The following RPS6KA5 variants were observed in gnomAD, a reference collection of about 807,000 sequenced individuals.
The protein encoded by RPS6KA5 is ribosomal protein S6 kinase A5.
A neutral mutation model predicts 85.5 loss-of-function variants in RPS6KA5; 27 were observed. The observed-to-expected ratio is 0.32, with a 90% CI of 0.23 to 0.44. The LOEUF is 0.44. RPS6KA5 is among the 20% of genes least tolerant of loss of function. RPS6KA5 has a pLI of 1.00. For synonymous variants in RPS6KA5, 334 were observed against 348.2 expected (o/e 0.96, Z 0.46); for missense variants, 811 against 980.9 (o/e 0.83, Z 2.31).
intron 3 of RPS6KA5, among the ~76,000 whole-genome samples, chr14:90,959,437 G>A (rs1187160878): frequency 6.6e-6 from 1 of 152,156 alleles, no homozygotes; most frequent in Non-Finnish European, 1.5e-5. Flanking sequence ...TAATAAATAA[G>A]GTAATAATGC....
chr14:90,894,690 C>T, intron 12 of RPS6KA5, 107 bp from the exon 13 acceptor site: 1 of 1,264,074 alleles, frequency 7.9e-7, no homozygotes, highest in Non-Finnish European at 1.1e-6. Flanking sequence ...AAATAATCCC[C>T]TGTTAAAATA....
chr14:90,953,182 T>G (rs915197625), intron 3 of RPS6KA5, among the ~76,000 whole-genome samples: 38 of 152,246 alleles, frequency 2.5e-4, no homozygotes, highest in Non-Finnish European at 2.9e-5. Flanking sequence ...GATTTCATTT[T>G]AATATGGACA....
At chr14:91,047,155 A>G (rs2042909329) in intron 1 of RPS6KA5, among the ~76,000 whole-genome samples, 1 of 152,222 alleles carries the variant, frequency 6.6e-6, no homozygotes, top group African/African-American at 2.4e-5. Flanking sequence ...TTATTTAATT[A>G]TATGTTTACC....
intron 15 of RPS6KA5, among the ~76,000 whole-genome samples, chr14:90,874,790 G>A (rs943205301): frequency 2.6e-5 from 4 of 152,178 alleles, no homozygotes; most frequent in African/African-American, 9.7e-5. Flanking sequence ...TGCTGAATGT[G>A]TAGAACTCTG....
At chr14:90,944,984 G>T (rs1032576234) in intron 4 of RPS6KA5, among the ~76,000 whole-genome samples, 24 of 150,932 alleles carry the variant, frequency 1.6e-4, no homozygotes, top group Admixed American at 5.3e-4. Flanking sequence ...AGTGTGGGTG[G>T]CCCATGCCTG....
At chr14:90,904,154 T>A (rs2035365468) in intron 8 of RPS6KA5, among the ~76,000 whole-genome samples, 1 of 152,176 alleles carries the variant, frequency 6.6e-6, no homozygotes, top group Admixed American at 6.5e-5. Context: ...TTTCACTGTG[T>A]TAGCCAGGAT....
intron 2 of RPS6KA5, among the ~76,000 whole-genome samples, chr14:90,993,150 T>C (rs1185727070): frequency 1.3e-5 from 2 of 152,184 alleles, no homozygotes; most frequent in African/African-American, 4.8e-5. Flanking sequence ...TTTGTATGTT[T>C]GAAAATGTTG....
At chr14:90,882,958 T>G (rs2033952361) in intron 14 of RPS6KA5, among the ~76,000 whole-genome samples, 1 of 152,008 alleles carries the variant, frequency 6.6e-6, no homozygotes, top group South Asian at 2.1e-4. Context: ...CCACCACGCC[T>G]GGCTAATTTG....
intron 8 of RPS6KA5, among the ~76,000 whole-genome samples, chr14:90,904,808 C>A (rs2035411807): frequency 1.3e-5 from 2 of 152,094 alleles, no homozygotes; most frequent in Admixed American, 6.5e-5. Flanking sequence ...ATTAAGTAAT[C>A]TAAAATTACT....
At chr14:90,989,952 G>A (rs996620433) in intron 2 of RPS6KA5, among the ~76,000 whole-genome samples, 1 of 152,254 alleles carries the variant, frequency 6.6e-6, no homozygotes, top group Middle Eastern at 3.4e-3. Flanking sequence ...CAGATGTGAA[G>A]GAAAATTCAG....
chr14:91,054,164 T>C (rs751812593), intron 1 of RPS6KA5, among the ~76,000 whole-genome samples: 1 of 152,204 alleles, frequency 6.6e-6, no homozygotes, highest in Non-Finnish European at 1.5e-5. Context: ...TCTGAATCAC[T>C]ACCTCACATG....
At chr14:91,034,115 T>G (rs1269900344) in intron 1 of RPS6KA5, among the ~76,000 whole-genome samples, 2 of 152,072 alleles carry the variant, frequency 1.3e-5, no homozygotes, top group African/African-American at 2.4e-5. Context: ...GAGACCAGCC[T>G]GGGCAACACA....
chr14:91,033,854 AG>A (rs2042292230), intron 1 of RPS6KA5, among the ~76,000 whole-genome samples: 1 of 152,212 alleles, frequency 6.6e-6, no homozygotes. Context: ...TGTTTTTAAT[AG>A]GGAAAAAGAA....
At chr14:91,060,173 G>C (rs2043586889) in intron 1 of RPS6KA5, 159 bp downstream of exon 1, 1 of 975,606 alleles carries the variant, frequency 1.0e-6, no homozygotes, top group Non-Finnish European at 1.2e-6. Flanking sequence ...CACCTCCCGG[G>C]ACCCCCGGGG....
intron 3 of RPS6KA5, among the ~76,000 whole-genome samples, chr14:90,974,819 A>G (rs1420463726): frequency 3.3e-5 from 5 of 152,232 alleles, no homozygotes; most frequent in African/African-American, 1.2e-4. Context: ...TGCTCAGCCA[A>G]CCCATGGGAT....
intron 1 of RPS6KA5, 28 bp from the exon 2 acceptor site, chr14:91,001,187 A>AT (rs769658434): frequency 3.4e-6 from 5 of 1,478,988 alleles, no homozygotes; most frequent in Non-Finnish European, 3.7e-6. Flanking sequence ...GAAAAAAAAA[A>AT]CAAGAGGGTC....
chr14:90,908,639 G>A (rs1728267261), intron 7 of RPS6KA5, among the ~76,000 whole-genome samples: 1 of 152,190 alleles, frequency 6.6e-6, no homozygotes, highest in Non-Finnish European at 1.5e-5. Flanking sequence ...GCGTGGTGAG[G>A]AGAAAGGGCC....
At chr14:91,035,875 A>ACCC (rs2042384176) in intron 1 of RPS6KA5, among the ~76,000 whole-genome samples, 1 of 117,424 alleles carries the variant, frequency 8.5e-6, no homozygotes, top group African/African-American at 3.6e-5. Flanking sequence ...AAAAAAAAAA[A>ACCC]AAAAAACCCC....
rs370238703 is a variant in RPS6KA5 at position 90,906,184 on chromosome 14, C to G, written c.922G>C (p.Asp308His). 1 of 1,611,330 alleles carries G rather than the reference C, an allele frequency of 6.2e-7. No homozygotes were observed. The change falls in exon 8 of 17, where the codon GAT becomes CAT. Residue 308 changes from aspartate to histidine, a missense_variant. Coordinates refer to ENST00000614987, the MANE Select transcript of RPS6KA5 (RefSeq NM_004755.4). ...AGATGTTCTTTGATTTCATCTGCAT[C>G]ACGTGGACCACATCCCAATCTCTTC... ...PKKRLGCGPR[D>H]ADEIKEHLFF...
Sources: gnomAD v4.1 joint callset for allele counts (sites outside exome capture counted in the v4.1 genomes callset) on GRCh38, gnomAD v4.1.1 for gene constraint, MANE v1.5 for transcripts, NCBI Gene and HGNC (gene_info 2026-07-23, HGNC 2026-07-21) for gene names.